CORO2A: variants seen among roughly 807,000 people sequenced by gnomAD.
CORO2A encodes coronin-2A.
A neutral mutation model predicts 62.4 loss-of-function variants in CORO2A; 47 were observed. That is an observed-to-expected ratio of 0.75 (90% CI 0.60 to 0.96). The LOEUF (loss-of-function observed/expected upper bound fraction) is 0.96. CORO2A is among the 40% of genes least tolerant of loss of function. The probability of loss-of-function intolerance (pLI) is 0.00; values close to 1 mark genes in which losing one functional copy is unlikely to be tolerated. For missense variants in CORO2A, 610 were observed against 684.1 expected, an observed-to-expected ratio of 0.89 and a Z score of 1.21; for synonymous variants, 273 against 268.9, an observed-to-expected ratio of 1.02 and a Z score of -0.15.
intron 1 of CORO2A, among the ~76,000 whole-genome samples, chr9:98,192,273 T>A (rs961968787): frequency 6.6e-6 from 1 of 152,252 alleles, no homozygotes; most frequent in South Asian, 2.1e-4. Context: ...ACAGTGCTCA[T>A]GAGGGCAGCG....
At chr9:98,161,226 C>T (rs969080233) in intron 1 of CORO2A, among the ~76,000 whole-genome samples, 1 of 152,044 alleles carries the variant, frequency 6.6e-6, no homozygotes, top group African/African-American at 2.4e-5. Context: ...GATACCCGGA[C>T]TCTGAGGGCA....
Position 98,137,796 on chromosome 9 carries a change from G to C in CORO2A, c.202-108C>G, listed in dbSNP as rs193131578. On this transcript the variant is annotated intron_variant, in intron 2 of 11. Transcript: ENST00000375077. ...AGTCAACAGGAAAACATAAGGGACA[G>C]AGCTGGGTGTGAATCTAGGCCTTAC... is the stretch of plus-strand genomic sequence containing the variant. 3.2e-4 allele frequency: 268 copies of C among 833,246 alleles called. 3 individuals carry two copies. The highest frequency in any genetic ancestry group is 2.7e-4 in the Non-Finnish European group (128 of 480,084). The allele number at this position is 833,246 out of a possible 1,614,324, so 51.6% of individuals were successfully genotyped here.
intron 1 of CORO2A, among the ~76,000 whole-genome samples, chr9:98,158,338 T>A (rs1035528010): frequency 2.0e-5 from 3 of 152,150 alleles, no homozygotes; most frequent in African/African-American, 4.8e-5. Flanking sequence ...AGCCTTGTCA[T>A]AAGGATTAAG....
intron 4 of CORO2A, 53 bp downstream of exon 4, chr9:98,134,753 C>G: frequency 6.5e-7 from 1 of 1,528,482 alleles, no homozygotes. Flanking sequence ...CATTGTATTC[C>G]AGTTTGTGGG....
At chr9:98,176,071 T>C (rs1161968824) in intron 1 of CORO2A, among the ~76,000 whole-genome samples, 1 of 152,108 alleles carries the variant, frequency 6.6e-6, no homozygotes, top group African/African-American at 2.4e-5. Context: ...AAGCACAAAG[T>C]GTTCATGGTC....
At chr9:98,185,208 C>T (rs1328681079) in intron 1 of CORO2A, among the ~76,000 whole-genome samples, 1 of 152,140 alleles carries the variant, frequency 6.6e-6, no homozygotes, top group Non-Finnish European at 1.5e-5. Context: ...TCCTGGAGGC[C>T]CCACAGCTCC....
intron 1 of CORO2A, among the ~76,000 whole-genome samples, chr9:98,182,163 T>C (rs1325599990): frequency 6.6e-6 from 1 of 152,226 alleles, no homozygotes; most frequent in East Asian, 1.9e-4. Flanking sequence ...GGCCTGTGTC[T>C]GTTTTGCTGT....
intron 2 of CORO2A, among the ~76,000 whole-genome samples, chr9:98,146,188 C>T (rs373478798): frequency 1.1e-4 from 16 of 152,194 alleles, no homozygotes; most frequent in African/African-American, 3.6e-4. Context: ...TCCTCCCCAC[C>T]CTCCACACCT....
chr9:98,181,103 A>G (rs1167107819), intron 1 of CORO2A, among the ~76,000 whole-genome samples: 1 of 151,826 alleles, frequency 6.6e-6, no homozygotes, highest in African/African-American at 2.4e-5. Flanking sequence ...TGGGAGGAAA[A>G]TGGTGGACAA....
intron 1 of CORO2A, among the ~76,000 whole-genome samples, chr9:98,168,041 A>G (rs1827984747): frequency 1.3e-5 from 2 of 152,232 alleles, no homozygotes; most frequent in South Asian, 2.1e-4. Flanking sequence ...CTTGACTGTC[A>G]GGGGTCTAAT....
intron 1 of CORO2A, among the ~76,000 whole-genome samples, chr9:98,192,205 G>C (rs1828313347): frequency 6.6e-6 from 1 of 152,246 alleles, no homozygotes. Context: ...GTCGGGACCG[G>C]CTGGCCGCGC....
intron 1 of CORO2A, among the ~76,000 whole-genome samples, chr9:98,171,367 G>T (rs1275775841): frequency 6.6e-6 from 1 of 152,208 alleles, no homozygotes; most frequent in Non-Finnish European, 1.5e-5. Flanking sequence ...CACTCTGCCT[G>T]CCTCAGGGAC....
At chr9:98,158,615 G>A (rs1302997383) in intron 1 of CORO2A, among the ~76,000 whole-genome samples, 2 of 152,108 alleles carry the variant, frequency 1.3e-5, no homozygotes, top group Non-Finnish European at 2.9e-5. Context: ...GGGCCACTGG[G>A]ACCGACTGTA....
chr9:98,179,517 G>A (rs912850994), intron 1 of CORO2A, among the ~76,000 whole-genome samples: 1 of 152,138 alleles, frequency 6.6e-6, no homozygotes, highest in Non-Finnish European at 1.5e-5. Flanking sequence ...TGGGCTACTG[G>A]TAGATGGCAG....
Position 98,131,029 on chromosome 9 carries a change from C to T in CORO2A, c.796G>A (p.Asp266Asn), listed in dbSNP as rs774949895. 3.7e-5 allele frequency: 60 copies of T among 1,613,530 alleles called. No homozygotes were observed. In the Middle Eastern group the frequency reaches 4.9e-4, roughly 13 times the overall value. ...DNLSVPLMEE[D>N]LDGSSGVLFP... ...AGCACGCCCGAGGAGCCGTCCAGGT[C>T]CTCCTCCATCAGAGGCACAGAGAGG... Residue 266 changes from aspartate (D) to asparagine (N), a missense_variant, in exon 7 of 12, where the codon GAC (aspartate) becomes AAC (asparagine). Transcript: ENST00000375077.
At chr9:98,146,571 C>T (rs1827646228) in intron 2 of CORO2A, among the ~76,000 whole-genome samples, 1 of 152,212 alleles carries the variant, frequency 6.6e-6, no homozygotes, top group Non-Finnish European at 1.5e-5. Context: ...CTAGCTTGTC[C>T]CTTCCTTGTT....
rs1376785386 is a variant in CORO2A, at chr9:98,124,872, TCTC to T, written c.1477_1479del (p.Glu493del). 2 of 1,581,870 alleles carry T rather than the reference TCTC, an allele frequency of 1.3e-6. No homozygotes were observed. The highest frequency in any genetic ancestry group is 1.7e-6 in the Non-Finnish European group (2 of 1,161,618). ...GTCAACAGCTCCCGGAGCCTTCGGATCTCCTCCTGTTGCCGGTAGAACATCTGC... is the reference window on the plus strand; with the variant it reads ...GTCAACAGCTCCCGGAGCCTTCGGATCTCCTGTTGCCGGTAGAACATCTGC... On this transcript the variant is annotated inframe_deletion, in exon 12 of 12. Transcript: ENST00000375077.
rs1176924818 is a variant in CORO2A, at chr9:98,190,891, C to T, written c.-1+1668G>A. ...GGGATAATAACACTCATTTGTGGTCCAGCTCCCAGTCCTGTGCAGCTCCAC... is the reference window on the plus strand; with the variant it reads ...GGGATAATAACACTCATTTGTGGTCTAGCTCCCAGTCCTGTGCAGCTCCAC... On this transcript the variant is annotated intron_variant, in intron 1 of 11. Transcript: ENST00000375077. Among the ~76,000 whole-genome samples the T allele has an allele frequency of 2.0e-5, 3 of 152,206 alleles. No individual in the cohort carries two copies. The East Asian group carries it at 5.8e-4, about 29-fold the overall frequency.
chr9:98,126,270 A>G (rs545952413), intron 11 of CORO2A, among the ~76,000 whole-genome samples: 2 of 148,264 alleles, frequency 1.3e-5, no homozygotes, highest in South Asian at 2.2e-4. Flanking sequence ...TCCTGACCTC[A>G]TGATCTGCCC....
Sources: gnomAD v4.1 joint callset for allele counts (sites outside exome capture counted in the v4.1 genomes callset) on GRCh38, gnomAD v4.1.1 for gene constraint, MANE v1.5 for transcripts, NCBI Gene and HGNC (gene_info 2026-07-23, HGNC 2026-07-21) for gene names.